The following NPC1 variants were observed in gnomAD, a reference collection of about 807,000 sequenced individuals.
The protein encoded by NPC1 is NPC intracellular cholesterol transporter 1, also known as Niemann-Pick C1 protein.
A neutral mutation model predicts 140.4 loss-of-function variants in NPC1; 85 were observed. The observed-to-expected ratio is 0.61, with a 90% CI of 0.51 to 0.72. The LOEUF is 0.72. NPC1 is among the 30% of genes least tolerant of loss of function. NPC1 has a pLI of 0.00. For missense variants in NPC1, 1,504 were observed against 1,623.8 expected, an observed-to-expected ratio of 0.93 and a Z score of 1.27; for synonymous variants, 656 against 624.8, an observed-to-expected ratio of 1.05 and a Z score of -0.74.
chr18:23,584,338 T>C (rs139339924), intron 1 of NPC1, among the ~76,000 whole-genome samples: 74 of 152,366 alleles, frequency 4.9e-4, no homozygotes, highest in Middle Eastern at 6.8e-3. Context: ...TTTGGCTTCA[T>C]GGCTCCACCC....
At chr18:23,556,197 C>T (rs1452902337) in intron 8 of NPC1, 46 bp downstream of exon 8, 2 of 1,571,538 alleles carry the variant, frequency 1.3e-6, no homozygotes, top group East Asian at 2.2e-5. Context: ...AGCCAGCAAA[C>T]CACAAGGTCA....
chr18:23,551,583 G>T, intron 10 of NPC1, 44 bp downstream of exon 10: 1 of 1,411,332 alleles, frequency 7.1e-7, no homozygotes, highest in Non-Finnish European at 1.0e-6. Flanking sequence ...ACAAAACCGA[G>T]ATGACTTTAT....
At position 23,557,478 on chromosome 18, in the gene NPC1, A is replaced by G. The variant is rs1788760; in HGVS notation, c.882-288T>C. On this transcript the variant is annotated intron_variant, in intron 6 of 24. Coordinates refer to ENST00000269228, the MANE Select transcript of NPC1 (RefSeq NM_000271.5). ...TCCTTTAAAAACACACTACTGGGCT[A>G]GGCGCGGTGGCTCACGCCTGTAAAC... 0.76 allele frequency among the ~76,000 whole-genome samples: 115,714 copies of G among 152,206 alleles called. 45,031 individuals carry two copies. The highest frequency in any genetic ancestry group is 0.93 in the East Asian group (4,819 of 5,172).
Position 23,554,999 on chromosome 18 carries a change from T to TA in NPC1, c.1327-16dup. 1 of 1,547,858 alleles carries TA rather than the reference T, an allele frequency of 6.5e-7. No homozygotes were observed. The highest frequency in any genetic ancestry group is 8.9e-7 in the Non-Finnish European group (1 of 1,119,848). On this transcript the variant is annotated splice_polypyrimidine_tract_variant and intron_variant, in intron 8 of 24. Coordinates refer to ENST00000269228, the MANE Select transcript of NPC1 (RefSeq NM_000271.5). ...AAGTCAAGAACCTGAAAGAAGATTTTAAAAATAAGCAAACCCAGAAACACG... is the reference window on the plus strand; with the variant it reads ...AAGTCAAGAACCTGAAAGAAGATTTTAAAAAATAAGCAAACCCAGAAACACG...
chr18:23,540,019 G>C lies in NPC1; in HGVS notation c.2605-18C>G. The C allele has an allele frequency of 6.2e-7, 1 of 1,602,426 alleles. No individual in the cohort carries two copies. The highest frequency in any genetic ancestry group is 8.6e-7 in the Non-Finnish European group (1 of 1,169,562). ...TAGGAGTCCTGAAAGAAAGATAAAA[G>C]AATAGGAGAGAGTGTGAACACTCTG... On this transcript the variant is annotated intron_variant, in intron 17 of 24. Transcript: ENST00000269228.
At chr18:23,557,242 T>A (rs1018473412) in intron 6 of NPC1, 52 bp from the exon 7 acceptor site, 1 of 1,409,880 alleles carries the variant, frequency 7.1e-7, no homozygotes, top group South Asian at 1.2e-5. Context: ...CACAGTGAGG[T>A]TGTTTTTGGG....
chr18:23,579,998 A>C (rs2059339039), intron 1 of NPC1, among the ~76,000 whole-genome samples: 1 of 152,222 alleles, frequency 6.6e-6, no homozygotes, highest in African/African-American at 2.4e-5. Context: ...CTCTGAACTC[A>C]GTGAGAATTC....
chr18:23,527,171 C>G (rs976301862), downstream of NPC1, among the ~76,000 whole-genome samples: 1 of 144,778 alleles, frequency 6.9e-6, no homozygotes, highest in Middle Eastern at 4.0e-3. Context: ...ATTGCCTGAG[C>G]CTAGGAGTTC....
At chr18:23,537,244 A>AT (rs1049873437) in intron 20 of NPC1, among the ~76,000 whole-genome samples, 11 of 152,104 alleles carry the variant, frequency 7.2e-5, no homozygotes, top group South Asian at 2.1e-4. Context: ...TAACTTTTGT[A>AT]TTTTTTTAGT....
intron 3 of NPC1, among the ~76,000 whole-genome samples, 179 bp from the exon 4 acceptor site, chr18:23,569,177 T>TA (rs1251569404): frequency 6.6e-6 from 1 of 152,216 alleles, no homozygotes; most frequent in Non-Finnish European, 1.5e-5. Flanking sequence ...GGCACACCTT[T>TA]AAAAAATGCC....
intron 1 of NPC1, among the ~76,000 whole-genome samples, chr18:23,579,660 G>A (rs991245606): frequency 6.6e-6 from 1 of 152,098 alleles, no homozygotes; most frequent in African/African-American, 2.4e-5. Flanking sequence ...GGAGGCCGAG[G>A]TGGGCAGATC....
rs2145343714 is a variant in NPC1 at position 23,534,524 on chromosome 18, T to A, written c.3513A>T (p.Ile1171=). 1 of 1,614,156 alleles carries A rather than the reference T, an allele frequency of 6.2e-7. No homozygotes were observed. Among genetic ancestry groups the A allele is most frequent in the South Asian group, 1.1e-5 (1 of 91,076 alleles). Residue 1171 remains isoleucine (I), a synonymous_variant, in exon 23 of 25, where the codon ATA becomes ATT. Coordinates refer to ENST00000269228, the MANE Select transcript of NPC1 (RefSeq NM_000271.5). ...TCATGCTCACCGTGAACGCTCTGGT[T>A]ATGTGGCTGCAGAACTCCACGGAGA... The part of the protein sequence containing the change: ...CGISVEFCSH[I]TRAFTVSMKG...
chr18:23,584,434 C>G (rs1010485913), intron 1 of NPC1, among the ~76,000 whole-genome samples: 2 of 152,164 alleles, frequency 1.3e-5, no homozygotes, highest in Non-Finnish European at 2.9e-5. Context: ...GGTTTACAGA[C>G]CTTGAAAAGG....
chr18:23,554,901 G>A lies in NPC1; in HGVS notation c.1410C>T (p.Ala470=). 2 of 1,614,086 alleles carry A rather than the reference G, an allele frequency of 1.2e-6. No individual in the cohort carries two copies. Among genetic ancestry groups the A allele is most frequent in the African/African-American group, 1.3e-5 (1 of 75,038 alleles). ...ETVTLQDICL[A]PLSPYNTNCT... ...AGTTCGTGTTATACGGTGAAAGAGG[G>A]GCCAAGCAGATGTCTTGAAGTGTCA... Residue 470 remains alanine, a synonymous_variant, in exon 9 of 25, where the codon GCC becomes GCT. Transcript: ENST00000269228.
intron 3 of NPC1, among the ~76,000 whole-genome samples, chr18:23,571,377 G>C (rs2059200685): frequency 6.6e-6 from 1 of 152,092 alleles, no homozygotes; most frequent in Non-Finnish European, 1.5e-5. Context: ...AATTAGGCTA[G>C]GTGCAGTGGC....
Position 23,578,865 on chromosome 18 carries a change from G to A in NPC1, c.58-5291C>T, listed in dbSNP as rs551358941. 2.0e-5 allele frequency among the ~76,000 whole-genome samples: 3 copies of A among 152,218 alleles called. No individual in the cohort carries two copies. The South Asian group carries it at 6.2e-4, about 32-fold the overall frequency. On this transcript the variant is annotated intron_variant, in intron 1 of 24. Coordinates refer to ENST00000269228, the MANE Select transcript of NPC1 (RefSeq NM_000271.5). ...ACCTTTCGAACCCACCTCCCATAGC[G>A]AACCTATCGCTCACTCCCAGGGAGG... is the stretch of plus-strand genomic sequence containing the variant.
chr18:23,546,612 C>G (rs2058793955), intron 11 of NPC1, among the ~76,000 whole-genome samples: 1 of 152,090 alleles, frequency 6.6e-6, no homozygotes, highest in Non-Finnish European at 1.5e-5. Context: ...GGAAACAGCC[C>G]AAGTGTTTGT....
intron 3 of NPC1, among the ~76,000 whole-genome samples, chr18:23,570,809 A>T (rs2059190753): frequency 6.6e-6 from 1 of 152,134 alleles, no homozygotes. Context: ...CATAGCCAAC[A>T]GAACAGATAA....
intron 10 of NPC1, 31 bp downstream of exon 10, chr18:23,551,596 A>G (rs753523379): frequency 6.7e-7 from 1 of 1,499,426 alleles, no homozygotes; most frequent in South Asian, 1.1e-5. Context: ...GACTTTATCT[A>G]AAAGGAAAAG....
Sources: allele counts gnomAD v4.1 joint callset (sites outside exome capture counted in the v4.1 genomes callset), GRCh38; gene constraint gnomAD v4.1.1; transcripts MANE v1.5; gene names NCBI Gene and HGNC (gene_info 2026-07-23, HGNC 2026-07-21).